Variants in RASGRF1 observed in about 807,000 individuals in gnomAD.
RASGRF1 encodes the protein Ras protein specific guanine nucleotide releasing factor 1.
RASGRF1 carries 40 observed loss-of-function variants against 138.7 expected under a neutral mutation model. The observed-to-expected ratio is 0.29, with a 90% CI of 0.22 to 0.38. The LOEUF (loss-of-function observed/expected upper bound fraction) is 0.38. RASGRF1 is among the 10% of genes least tolerant of loss of function. RASGRF1 has a pLI of 1.00. For synonymous variants in RASGRF1, 614 were observed against 663.2 expected (o/e 0.93, Z 1.14); for missense variants, 1,108 against 1,650.4 (o/e 0.67, Z 5.69).
chr15:79,003,785 A>G lies in RASGRF1; in HGVS notation c.2449+17T>C, dbSNP rs1333092215. 1 of 1,567,898 alleles carries G rather than the reference A, an allele frequency of 6.4e-7. No individual in the cohort carries two copies. The highest frequency in any genetic ancestry group is 1.8e-5 in the Admixed American group (1 of 56,542). ...GCTGGGAGGCTGGGGGGCAGCTCCG[A>G]CGGCATGGCCACTCACTCTGCTTGC... On this transcript the variant is annotated intron_variant, in intron 15 of 26. Transcript: ENST00000558480.
chr15:79,084,449 G>T (rs2057952882), intron 1 of RASGRF1, among the ~76,000 whole-genome samples: 1 of 152,210 alleles, frequency 6.6e-6, no homozygotes, highest in Non-Finnish European at 1.5e-5. Flanking sequence ...ATGAGGCTCT[G>T]CCCAGCTGGC....
At position 79,025,424 on chromosome 15, in the gene RASGRF1, G is replaced by A. The variant is rs1199183242; in HGVS notation, c.1432C>T (p.Arg478Cys). ...TTCTTTAGGGAGAGAGACCCCAGGC[G>A]CCCCCTGGTGATCTTGCCCTTTTCA... ...MSEKGKITRG[R>C]LGSLSLKKEG... is the part of the protein sequence containing the mutation. The change falls in exon 10 of 27, where the codon CGC becomes TGC. Residue 478 changes from arginine to cysteine, a missense_variant. By Grantham distance (180) the Arg-to-Cys change is radical. Coordinates refer to ENST00000558480, the MANE Select transcript of RASGRF1 (RefSeq NM_001145648.3). 4.3e-6 allele frequency: 7 copies of A among 1,613,696 alleles called. No homozygotes were observed. Among genetic ancestry groups the A allele is most frequent in the South Asian group, 2.2e-5 (2 of 91,036 alleles).
At chr15:79,012,290 C>T (rs1018110490) in intron 13 of RASGRF1, among the ~76,000 whole-genome samples, 7 of 152,212 alleles carry the variant, frequency 4.6e-5, no homozygotes, top group Non-Finnish European at 8.8e-5. Context: ...CCAACTGGTC[C>T]TTCGAGGCCA....
In RASGRF1 at chr15:78,978,113, G is replaced by A. The variant is rs1257299093; in HGVS notation, c.3494+2507C>T. Among the ~76,000 whole-genome samples, 4 of 152,090 alleles carry A rather than the reference G, an allele frequency of 2.6e-5. No individual in the cohort carries two copies. The East Asian group carries it at 7.7e-4, about 29-fold the overall frequency. ...GACATTTAAGAGAGTGGCTAGTGGG[G>A]TGTTTGGTGGTGAAGTCTCGGCTGG... On this transcript the variant is annotated intron_variant, in intron 24 of 26. Coordinates refer to ENST00000558480, the MANE Select transcript of RASGRF1 (RefSeq NM_001145648.3).
intron 21 of RASGRF1, among the ~76,000 whole-genome samples, chr15:78,991,028 T>C (rs919180654): frequency 2.0e-5 from 3 of 152,214 alleles, no homozygotes; most frequent in African/African-American, 7.2e-5. Context: ...TGGGAAACCA[T>C]TCTGGGACCA....
intron 1 of RASGRF1, among the ~76,000 whole-genome samples, chr15:79,065,215 T>G (rs2057661810): frequency 6.6e-6 from 1 of 152,082 alleles, no homozygotes; most frequent in Non-Finnish European, 1.5e-5. Flanking sequence ...GTCATGGAGG[T>G]AAGAACAAAG....
intron 9 of RASGRF1, 69 bp from the exon 10 acceptor site, chr15:79,025,543 A>C (rs971140347): frequency 1.2e-5 from 18 of 1,524,292 alleles, no homozygotes; most frequent in Non-Finnish European, 1.6e-5. Context: ...CCAGCCTTGA[A>C]GGTTGAGATG....
At chr15:78,990,954 G>A (rs886917223) in intron 21 of RASGRF1, among the ~76,000 whole-genome samples, 1 of 152,246 alleles carries the variant, frequency 6.6e-6, no homozygotes, top group African/African-American at 2.4e-5. Context: ...GGAGGGCTGC[G>A]AGAGTGCCAG....
Position 79,058,355 on chromosome 15 carries a change from C to T in RASGRF1, c.510G>A (p.Glu170=). Residue 170 remains glutamate, a synonymous_variant, in exon 3 of 27, where the codon GAG becomes GAA. Transcript: ENST00000558480. ...LRQQIEDGEI[E]IERLKAEITS... is the part of the protein sequence containing the mutation. ...TCACCTCTGCCTTCAGCCGCTCGATCTCGATCTCCCCATCCTCGATCTGCT... is the reference window on the plus strand; with the variant it reads ...TCACCTCTGCCTTCAGCCGCTCGATTTCGATCTCCCCATCCTCGATCTGCT... The T allele has an allele frequency of 6.2e-7, 1 of 1,613,926 alleles. No homozygotes were observed. Among genetic ancestry groups the T allele is most frequent in the South Asian group, 1.1e-5 (1 of 91,088 alleles).
At position 79,006,365 on chromosome 15, in the gene RASGRF1, C is replaced by A. The variant is rs1231720723; in HGVS notation, c.1896G>T (p.Val632=). Residue 632 remains valine, a synonymous_variant, in exon 14 of 27, where the codon GTG becomes GTT. Transcript: ENST00000558480. The surrounding 1 kb of genome is among the most constrained non-coding windows in gnomAD (Gnocchi z 4.0). ...CCACACTGGCGTAGCGGATCTGCAG[C>A]ACTTTGCAGGAGTTCATGGTTTTGC... The part of the protein sequence containing the change: ...RFSKTMNSCK[V]LQIRYASVER... 6.2e-7 allele frequency: 1 copy of A among 1,614,072 alleles called. No homozygotes were observed. The highest frequency in any genetic ancestry group is 8.5e-7 in the Non-Finnish European group (1 of 1,180,044).
chr15:79,069,753 G>A (rs1185353216), intron 1 of RASGRF1, among the ~76,000 whole-genome samples: 1 of 152,188 alleles, frequency 6.6e-6, no homozygotes, highest in Non-Finnish European at 1.5e-5. Flanking sequence ...TTCTTCTTGG[G>A]TCCTTGAGGT....
intron 1 of RASGRF1, among the ~76,000 whole-genome samples, chr15:79,078,902 T>G (rs1308865592): frequency 6.6e-6 from 1 of 152,274 alleles, no homozygotes; most frequent in Non-Finnish European, 1.5e-5. Flanking sequence ...ACTGACCTCC[T>G]GGGTGCCATG....
chr15:79,082,171 G>A (rs1157840474), intron 1 of RASGRF1, among the ~76,000 whole-genome samples: 1 of 152,230 alleles, frequency 6.6e-6, no homozygotes, highest in East Asian at 1.9e-4. Flanking sequence ...CACAGTGCAT[G>A]TGTGGGGACA....
chr15:78,961,918 T>C lies in RASGRF1; in HGVS notation c.*226A>G. ...GAAGAGGGACCAAGAGTACAGCTGT[T>C]TAAAAGAAACAGGCACTGCAGGAGA... On this transcript the variant is annotated 3_prime_UTR_variant, in exon 27 of 27. Coordinates refer to ENST00000558480, the MANE Select transcript of RASGRF1 (RefSeq NM_001145648.3). The C allele has an allele frequency of 2.0e-6, 1 of 500,682 alleles. No homozygotes were observed. The highest frequency in any genetic ancestry group is 2.2e-5 in the South Asian group (1 of 44,878). 31.0% of individuals were successfully genotyped at this position (500,682 alleles called of 1,614,324 possible). A position where few individuals can be genotyped will look rare whatever the true frequency, so the allele number is the denominator to read the frequency against.
chr15:79,000,484 G>C (rs996814598), intron 16 of RASGRF1, among the ~76,000 whole-genome samples: 2 of 152,098 alleles, frequency 1.3e-5, no homozygotes, highest in Non-Finnish European at 2.9e-5. Flanking sequence ...TTGAATAATA[G>C]GGATAAAGCT....
intron 1 of RASGRF1, among the ~76,000 whole-genome samples, chr15:79,065,599 C>T (rs1469427009): frequency 4.6e-5 from 7 of 151,890 alleles, no homozygotes; most frequent in Admixed American, 6.6e-5. Flanking sequence ...AGGGATTCGT[C>T]GGAGAGAGAG....
intron 13 of RASGRF1, among the ~76,000 whole-genome samples, chr15:79,009,947 A>T (rs1335012167): frequency 6.8e-6 from 1 of 147,872 alleles, no homozygotes; most frequent in Non-Finnish European, 1.5e-5. Context: ...CTGGTCTGGA[A>T]CTCCTGACCT....
intron 4 of RASGRF1, 34 bp from the exon 5 acceptor site, chr15:79,047,033 T>A: frequency 8.1e-6 from 13 of 1,596,950 alleles, no homozygotes; most frequent in Non-Finnish European, 1.1e-5. Flanking sequence ...GAGGCTCCTG[T>A]CAGGGAGTCT....
intron 17 of RASGRF1, among the ~76,000 whole-genome samples, chr15:78,999,151 C>T (rs187674326): frequency 1.3e-5 from 2 of 152,150 alleles, no homozygotes; most frequent in Non-Finnish European, 2.9e-5. Context: ...CTATTCCAGT[C>T]TCTGCTGCAG....
Sources: allele counts gnomAD v4.1 joint callset (sites outside exome capture counted in the v4.1 genomes callset), GRCh38; gene constraint gnomAD v4.1.1; non-coding constraint Gnocchi (gnomAD v3.1); transcripts MANE v1.5; gene names NCBI Gene and HGNC (gene_info 2026-07-23, HGNC 2026-07-21).